Variants in TFIP11 observed in about 807,000 individuals in gnomAD.
TFIP11 encodes tuftelin-interacting protein 11.
In TFIP11, 86 loss-of-function variants were observed where a neutral mutation model predicts 96.8. The ratio of observed to expected loss-of-function variants is 0.89; its 90% CI spans 0.75 to 1.06. TFIP11 has a LOEUF of 1.06. Among genes scored for constraint, TFIP11 ranks in the 50% least tolerant of loss-of-function variants. The pLI is 0.00. For missense variants in TFIP11, 881 were observed against 1,076.7 expected, an observed-to-expected ratio of 0.82 and a Z score of 2.54; for synonymous variants, 405 against 395.2, an observed-to-expected ratio of 1.02 and a Z score of -0.29.
Position 26,499,478 on chromosome 22 carries a change from C to T in TFIP11, c.955G>A (p.Glu319Lys), listed in dbSNP as rs753731297. ...AGCAGCTGCAGGTTGTGCTCCAGCT[C>T]GGGCAGCGCGAAGCCGGGGGCCTTG... ...EAKAPGFALP[E>K]LEHNLQLLID... Residue 319 changes from glutamate to lysine, a missense_variant, in exon 9 of 15, where the codon GAG becomes AAG. Glu to Lys is a moderately conservative substitution (Grantham distance 56). Transcript: ENST00000407690. 1.9e-5 allele frequency: 31 copies of T among 1,614,062 alleles called. No individual in the cohort carries two copies. Among genetic ancestry groups the T allele is most frequent in the South Asian group, 7.7e-5 (7 of 91,088 alleles).
intron 13 of TFIP11, 67 bp downstream of exon 13, chr22:26,494,730 T>G: frequency 6.2e-7 from 1 of 1,603,364 alleles, no homozygotes; most frequent in Non-Finnish European, 8.5e-7. Flanking sequence ...AGTCAGGCCT[T>G]GGCAGAAAAT....
At chr22:26,500,164 A>T (rs5997097) in intron 8 of TFIP11, among the ~76,000 whole-genome samples, 122,397 of 152,136 alleles carry the variant, frequency 0.8, 50,294 homozygotes, top group South Asian at 0.88. Context: ...AAGTTTTTTT[A>T]AATTTAATTT....
intron 8 of TFIP11, 119 bp from the exon 9 acceptor site, chr22:26,499,750 G>C: frequency 9.4e-6 from 10 of 1,067,674 alleles, no homozygotes; most frequent in Non-Finnish European, 1.3e-5. Context: ...ATTCAACAGA[G>C]CTGGAGAAGG....
Position 26,491,767 on chromosome 22 carries a change from G to C in TFIP11, c.*246C>G. The C allele has an allele frequency of 8.3e-7, 1 of 1,206,420 alleles. No individual in the cohort carries two copies. The highest frequency in any genetic ancestry group is 1.5e-5 in the African/African-American group (1 of 65,570). The allele number at this position is 1,206,420 out of a possible 1,614,324, so 74.7% of individuals were successfully genotyped here. On this transcript the variant is annotated 3_prime_UTR_variant, in exon 15 of 15. Transcript: ENST00000407690. Reference sequence around the variant, plus strand: ...TGGAGGAACTACAGAGAACTCCTTTGCCAGGAAAGAACATCAACTTGGCTG... The same window carrying C: ...TGGAGGAACTACAGAGAACTCCTTTCCCAGGAAAGAACATCAACTTGGCTG...
chr22:26,500,878 CTTT>C (rs397958538), intron 8 of TFIP11, among the ~76,000 whole-genome samples: 8 of 102,052 alleles, frequency 7.8e-5, no homozygotes, highest in Non-Finnish European at 1.1e-4. Context: ...TAACGGAAAA[CTTT>C]TTTTTTTTTT....
At chr22:26,492,393 TGAGGA>T in intron 14 of TFIP11, 25 bp from the exon 15 acceptor site, 1 of 1,605,418 alleles carries the variant, frequency 6.2e-7, no homozygotes, top group Non-Finnish European at 8.5e-7. Context: ...GACAGGGCGG[TGAGGA>T]GAGGTGTTTC....
At chr22:26,511,267 G>C (rs1304337790) in intron 2 of TFIP11, 1 of 152,204 alleles carries the variant, frequency 6.6e-6, no homozygotes, top group Non-Finnish European at 1.5e-5. Context: ...GGCTAGGCCA[G>C]TCTCTCTTTT....
chr22:26,498,717 C>A, intron 10 of TFIP11, 152 bp downstream of exon 10: 2 of 638,978 alleles, frequency 3.1e-6, no homozygotes, highest in South Asian at 2.1e-5. Flanking sequence ...AAAAAAAATT[C>A]ATAGCCAAAT....
chr22:26,491,761 T>A lies in TFIP11; in HGVS notation c.*252A>T. The A allele has an allele frequency of 8.0e-7, 1 of 1,243,938 alleles. No individual in the cohort carries two copies. The highest frequency in any genetic ancestry group is 1.1e-6 in the Non-Finnish European group (1 of 897,600). The allele number at this position is 1,243,938 out of a possible 1,614,324, so 77.1% of individuals were successfully genotyped here. A position where few individuals can be genotyped will look rare whatever the true frequency, so the allele number is the denominator to read the frequency against. On this transcript the variant is annotated 3_prime_UTR_variant, in exon 15 of 15. Transcript: ENST00000407690. ...CTGCTATGGAGGAACTACAGAGAAC[T>A]CCTTTGCCAGGAAAGAACATCAACT...
Position 26,508,733 on chromosome 22 carries a change from T to G in TFIP11, c.209+1331A>C, listed in dbSNP as rs573515363. Reference sequence around the variant, plus strand: ...GATGGCACATGCCTGTAGTCCCAGCTACTCGGGAGGCTGAGGCAGGAGAAT... The same window carrying G: ...GATGGCACATGCCTGTAGTCCCAGCGACTCGGGAGGCTGAGGCAGGAGAAT... On this transcript the variant is annotated intron_variant, in intron 4 of 14. Coordinates refer to ENST00000407690, the MANE Select transcript of TFIP11 (RefSeq NM_012143.4). 1.6e-4 allele frequency among the ~76,000 whole-genome samples: 24 copies of G among 151,944 alleles called. No homozygotes were observed. In the South Asian group the frequency reaches 5.0e-3, roughly 32 times the overall value.
Position 26,491,481 on chromosome 22 carries a change from G to A in TFIP11, c.*532C>T, listed in dbSNP as rs1364532561. 1 of 1,613,224 alleles carries A rather than the reference G, an allele frequency of 6.2e-7. No individual in the cohort carries two copies. The highest frequency in any genetic ancestry group is 8.5e-7 in the Non-Finnish European group (1 of 1,179,886). On this transcript the variant is annotated 3_prime_UTR_variant, in exon 15 of 15. Coordinates refer to ENST00000407690, the MANE Select transcript of TFIP11 (RefSeq NM_012143.4). ...TGCTCAGATTTTAAAAGGACTGGAG[G>A]AGCTTGAGTTTCCTCAGACTTCACA...
At chr22:26,499,071 G>A (rs1259804239) in intron 9 of TFIP11, 33 bp downstream of exon 9, 1 of 1,597,852 alleles carries the variant, frequency 6.3e-7, no homozygotes, top group Admixed American at 1.7e-5. Flanking sequence ...CCAACCGAGA[G>A]GCAGGGATAG....
chr22:26,497,372 T>C (rs1290476333), intron 10 of TFIP11, among the ~76,000 whole-genome samples: 2 of 152,210 alleles, frequency 1.3e-5, no homozygotes, highest in African/African-American at 2.4e-5. Flanking sequence ...TTTGCTGTAC[T>C]GTAGACAGAG....
intron 10 of TFIP11, 41 bp from the exon 11 acceptor site, chr22:26,496,930 G>T: frequency 6.2e-7 from 1 of 1,605,398 alleles, no homozygotes; most frequent in South Asian, 1.1e-5. Flanking sequence ...TAATTACACT[G>T]ACTGGTTTCA....
chr22:26,510,282 C>G lies in TFIP11; in HGVS notation c.-9-1G>C. 1 of 1,614,046 alleles carries G rather than the reference C, an allele frequency of 6.2e-7. No individual in the cohort carries two copies. Among genetic ancestry groups the G allele is most frequent in the Non-Finnish European group, 8.5e-7 (1 of 1,179,984 alleles). On this transcript the variant is annotated splice_acceptor_variant, in intron 3 of 14. Transcript: ENST00000407690. LOFTEE classifies it low-confidence loss of function (5UTR_SPLICE). ...AGTGGGACAATGACATGGCCAGTCACTAAAGGAAGAGACAAAAAGAGCACA... is the reference window on the plus strand; with the variant it reads ...AGTGGGACAATGACATGGCCAGTCAGTAAAGGAAGAGACAAAAAGAGCACA...
rs753740257 is a variant in TFIP11 at position 26,494,121 on chromosome 22, A to G, written c.2158+18T>C. On this transcript the variant is annotated intron_variant, in intron 14 of 14. Transcript: ENST00000407690. ...GAAACTTGGGGCCAGGACATCCAAA[A>G]TGGGAATCCTCACTTACCAACGTTG... 12 of 1,610,822 alleles carry G rather than the reference A, an allele frequency of 7.4e-6. No individual in the cohort carries two copies. The highest frequency in any genetic ancestry group is 1.0e-5 in the Non-Finnish European group (12 of 1,177,358).
At chr22:26,511,313 G>A (rs577178824) in intron 2 of TFIP11, 1 of 144,538 alleles carries the variant, frequency 6.9e-6, no homozygotes, top group Non-Finnish European at 1.5e-5. Context: ...TTGCCGTGCT[G>A]GCAGCTGATT....
rs1569167459 is a variant in TFIP11 at position 26,510,288 on chromosome 22, G to A, written c.-9-7C>T. On this transcript the variant is annotated splice_region_variant and splice_polypyrimidine_tract_variant and intron_variant, in intron 3 of 14. Coordinates refer to ENST00000407690, the MANE Select transcript of TFIP11 (RefSeq NM_012143.4). The stretch of plus-strand genomic sequence containing the variant: ...ACAATGACATGGCCAGTCACTAAAG[G>A]AAGAGACAAAAAGAGCACAGGCCGT... 6.2e-7 allele frequency: 1 copy of A among 1,613,962 alleles called. No homozygotes were observed. The highest frequency in any genetic ancestry group is 1.3e-5 in the African/African-American group (1 of 75,022).
rs1314136444 is a variant in TFIP11 at position 26,492,089 on chromosome 22, C to T, written c.2438G>A (p.Arg813Gln). ...CTCGCCCTGGACAAAGACCACTCCC[C>T]GGTCGATGTAGATCACAATGCGGCC... ...TFGRIVIYIDRGVVFVQGEKT... is the reference protein window; with the variant it reads ...TFGRIVIYIDQGVVFVQGEKT... The change falls in exon 15 of 15, where the codon CGG becomes CAG. Residue 813 changes from arginine to glutamine, a missense_variant. Transcript: ENST00000407690. 9 of 1,613,476 alleles carry T rather than the reference C, an allele frequency of 5.6e-6. No individual in the cohort carries two copies. Among genetic ancestry groups the T allele is most frequent in the East Asian group, 2.2e-5 (1 of 44,878 alleles).
Sources: allele counts gnomAD v4.1 joint callset (sites outside exome capture counted in the v4.1 genomes callset), GRCh38; gene constraint gnomAD v4.1.1; transcripts MANE v1.5; gene names NCBI Gene and HGNC (gene_info 2026-07-23, HGNC 2026-07-21).